NTRK3: variants seen among roughly 807,000 people sequenced by gnomAD.
NTRK3 encodes the protein neurotrophic receptor tyrosine kinase 3.
Under a neutral mutation model 91.7 loss-of-function variants are expected in NTRK3, and 24 were observed. That is an observed-to-expected ratio of 0.26 (90% CI 0.19 to 0.37). NTRK3 has a LOEUF of 0.37. Among genes scored for constraint, NTRK3 ranks in the 10% least tolerant of loss-of-function variants. The pLI is 1.00. For synonymous variants in NTRK3, 483 were observed against 404.0 expected, an observed-to-expected ratio of 1.20 and a Z score of -2.34; for missense variants, 880 against 1,068.9, an observed-to-expected ratio of 0.82 and a Z score of 2.46.
intron 14 of NTRK3, among the ~76,000 whole-genome samples, chr15:87,943,940 G>T (rs2070164489): frequency 6.6e-6 from 1 of 151,998 alleles, no homozygotes; most frequent in Admixed American, 6.5e-5. Flanking sequence ...AGCCTCCGTG[G>T]GCCAAAGTGT....
chr15:87,933,864 CAG>C (rs1220160966), intron 15 of NTRK3, among the ~76,000 whole-genome samples: 1 of 152,146 alleles, frequency 6.6e-6, no homozygotes, highest in African/African-American at 2.4e-5. Flanking sequence ...CAGGGCCAGG[CAG>C]AGTCCTTCAA....
chr15:88,107,146 T>C (rs2050803542), intron 13 of NTRK3, among the ~76,000 whole-genome samples: 1 of 152,026 alleles, frequency 6.6e-6, no homozygotes, highest in Non-Finnish European at 1.5e-5. Flanking sequence ...ATTCCTTTTA[T>C]AAAAATAAGT....
chr15:88,091,003 T>C (rs1229179380), intron 13 of NTRK3, among the ~76,000 whole-genome samples: 1 of 151,942 alleles, frequency 6.6e-6, no homozygotes, highest in African/African-American at 2.4e-5. Context: ...CTTAGGAGAG[T>C]TGCTGATTTC....
At chr15:88,067,487 G>A (rs1025663097) in intron 13 of NTRK3, among the ~76,000 whole-genome samples, 9 of 152,132 alleles carry the variant, frequency 5.9e-5, no homozygotes, top group African/African-American at 2.2e-4. Context: ...TTCCCAGGGG[G>A]ATGGGTTTTG....
intron 10 of NTRK3, among the ~76,000 whole-genome samples, chr15:88,129,218 G>C (rs2151135984): frequency 6.6e-6 from 1 of 152,304 alleles, no homozygotes; most frequent in East Asian, 1.9e-4. Context: ...AATCCCTCTA[G>C]AATCTGCCCG....
intron 14 of NTRK3, among the ~76,000 whole-genome samples, chr15:88,022,315 A>G (rs566577005): frequency 6.6e-6 from 1 of 151,968 alleles, no homozygotes; most frequent in East Asian, 1.9e-4. Flanking sequence ...GCACCAAAAA[A>G]CCCATTTTGG....
intron 14 of NTRK3, among the ~76,000 whole-genome samples, chr15:88,001,145 T>A (rs971258050): frequency 2.6e-5 from 4 of 152,222 alleles, no homozygotes; most frequent in Non-Finnish European, 5.9e-5. Flanking sequence ...TTGTATATCT[T>A]CTTTGAGAAA....
chr15:87,940,880 C>G, intron 14 of NTRK3, 127 bp from the exon 15 acceptor site: 1 of 1,230,716 alleles, frequency 8.1e-7, no homozygotes, highest in South Asian at 1.2e-5. Context: ...AAGGCAAACT[C>G]TAGCACACCA....
chr15:88,077,107 T>C (rs182096815), intron 13 of NTRK3, among the ~76,000 whole-genome samples: 1 of 152,164 alleles, frequency 6.6e-6, no homozygotes, highest in African/African-American at 2.4e-5. Flanking sequence ...AATAAATAAA[T>C]AAAACATTTT....
intron 5 of NTRK3, among the ~76,000 whole-genome samples, chr15:88,149,931 C>G (rs1290441756): frequency 6.6e-6 from 1 of 152,200 alleles, no homozygotes; most frequent in Non-Finnish European, 1.5e-5. Context: ...ACAACAGCAT[C>G]ACGGCAGCAA....
intron 14 of NTRK3, among the ~76,000 whole-genome samples, chr15:87,989,369 T>G (rs1349816330): frequency 1.3e-5 from 2 of 152,198 alleles, no homozygotes; most frequent in Non-Finnish European, 2.9e-5. Flanking sequence ...TGGATGAAGC[T>G]GGAAACCATC....
chr15:88,000,367 G>C (rs1219455779), intron 14 of NTRK3, among the ~76,000 whole-genome samples: 2 of 152,208 alleles, frequency 1.3e-5, no homozygotes, highest in Non-Finnish European at 2.9e-5. Context: ...CAATAGGGCA[G>C]TGTATACCAG....
At chr15:88,119,960 T>C (rs2052525642) in intron 13 of NTRK3, among the ~76,000 whole-genome samples, 1 of 152,192 alleles carries the variant, frequency 6.6e-6, no homozygotes, top group Non-Finnish European at 1.5e-5. Flanking sequence ...ATTCCCCTGC[T>C]CTGCACACAT....
intron 10 of NTRK3, among the ~76,000 whole-genome samples, chr15:88,131,256 A>G (rs1027759721): frequency 6.6e-6 from 1 of 152,194 alleles, no homozygotes; most frequent in African/African-American, 2.4e-5. Context: ...AAGTGTATTC[A>G]TTCATTCATT....
At chr15:88,057,091 C>T (rs1012178884) in intron 13 of NTRK3, among the ~76,000 whole-genome samples, 1 of 148,348 alleles carries the variant, frequency 6.7e-6, no homozygotes, top group Non-Finnish European at 1.5e-5. Context: ...ATGGCGTGAA[C>T]CCGGGAGGCG....
intron 14 of NTRK3, among the ~76,000 whole-genome samples, chr15:88,026,910 G>A (rs2141954247): frequency 6.6e-6 from 1 of 152,272 alleles, no homozygotes; most frequent in South Asian, 2.1e-4. Context: ...AATTCAGAGA[G>A]GGGTAATAAG....
rs28707236 is a variant in NTRK3 at position 87,876,836 on chromosome 15, C to T, written c.*99G>A. The stretch of plus-strand genomic sequence containing the variant: ...GCACTTGAGTTTATATGAAGATGTT[C>T]GCTTCAGTCAAGGATGGAAGGAGTT... On this transcript the variant is annotated 3_prime_UTR_variant, in exon 19 of 19. Transcript: ENST00000394480. The T allele has an allele frequency of 5.3e-3, 7,081 of 1,335,038 alleles. 316 individuals are homozygous for T. In the African/African-American group the frequency reaches 0.091, roughly 17 times the overall value. 82.7% of individuals were successfully genotyped at this position (1,335,038 alleles called of 1,614,324 possible).
At chr15:87,992,072 T>G (rs1241617279) in intron 14 of NTRK3, among the ~76,000 whole-genome samples, 1 of 151,970 alleles carries the variant, frequency 6.6e-6, no homozygotes, top group East Asian at 1.9e-4. Flanking sequence ...CAGCTTCCAG[T>G]CCTTAAGTTA....
At chr15:88,230,745 C>T (rs918448943) in intron 3 of NTRK3, among the ~76,000 whole-genome samples, 1 of 152,212 alleles carries the variant, frequency 6.6e-6, no homozygotes, top group Admixed American at 6.5e-5. Flanking sequence ...CAAAACCACC[C>T]TGTAAATAAA....
Sources: gnomAD v4.1 joint callset for allele counts (sites outside exome capture counted in the v4.1 genomes callset) on GRCh38, gnomAD v4.1.1 for gene constraint, MANE v1.5 for transcripts, NCBI Gene and HGNC (gene_info 2026-07-23, HGNC 2026-07-21) for gene names.